TTC21A: variants seen among roughly 807,000 people sequenced by gnomAD.
TTC21A encodes the protein tetratricopeptide repeat protein 21A.
Under a neutral mutation model 156.4 loss-of-function variants are expected in TTC21A, and 128 were observed. That is an observed-to-expected ratio of 0.82 (90% CI 0.71 to 0.95). The LOEUF is 0.95. Among genes scored for constraint, TTC21A ranks in the 40% least tolerant of loss-of-function variants. TTC21A has a pLI of 0.00. For missense variants in TTC21A, 1,435 were observed against 1,602.3 expected, an observed-to-expected ratio of 0.90 and a Z score of 1.78; for synonymous variants, 587 against 617.1, an observed-to-expected ratio of 0.95 and a Z score of 0.72.
intron 9 of TTC21A, among the ~76,000 whole-genome samples, 183 bp from the exon 10 acceptor site, chr3:39,124,880 T>G (rs1436707036): frequency 1.3e-5 from 2 of 152,162 alleles, no homozygotes; most frequent in African/African-American, 4.8e-5. Context: ...TTTTCTGTAT[T>G]GCCTTAGGGT....
At position 39,125,460 on chromosome 3, in the gene TTC21A, G is replaced by A. The variant is rs760774883; in HGVS notation, c.1320G>A (p.Glu440=). ...TGCAAGGCATCCCTCTTGGCTCTGAGTACTTTGAAAAGCTGGACCCGTACT... is the reference window on the plus strand; with the variant it reads ...TGCAAGGCATCCCTCTTGGCTCTGAATACTTTGAAAAGCTGGACCCGTACT... ...SSMQGIPLGS[E]YFEKLDPYFL... is the part of the protein sequence containing the mutation. The change falls in exon 11 of 29, where the codon GAG becomes GAA. Residue 440 remains glutamate (E), a synonymous_variant. Transcript: ENST00000683103. 1.2e-6 allele frequency: 2 copies of A among 1,614,156 alleles called. No individual in the cohort carries two copies. The highest frequency in any genetic ancestry group is 1.7e-6 in the Non-Finnish European group (2 of 1,180,006).
At chr3:39,131,180 G>A (rs958868029) in intron 19 of TTC21A, 85 bp downstream of exon 19, 91 of 1,121,340 alleles carry the variant, frequency 8.1e-5, no homozygotes, top group Non-Finnish European at 1.1e-4. Flanking sequence ...TCCAGGTCTG[G>A]AAAGCCCCAG....
chr3:39,134,539 T>G lies in TTC21A; in HGVS notation c.2862+211T>G. 1 of 641,154 alleles carries G rather than the reference T, an allele frequency of 1.6e-6. No individual in the cohort carries two copies. Among genetic ancestry groups the G allele is most frequent in the Non-Finnish European group, 2.9e-6 (1 of 349,316 alleles). 39.7% of individuals were successfully genotyped at this position (641,154 alleles called of 1,614,324 possible). On this transcript the variant is annotated intron_variant, in intron 21 of 28. Transcript: ENST00000683103. The surrounding 1 kb of genome is among the most constrained non-coding windows in gnomAD (Gnocchi z 4.6). ...TGGCTGGCAGTGGGCAGCATCAATC[T>G]CCTGGGCCAGTCTAAGGTGGGGTGA...
chr3:39,131,825 G>A (rs1319178010), intron 19 of TTC21A, among the ~76,000 whole-genome samples: 2 of 152,130 alleles, frequency 1.3e-5, no homozygotes, highest in African/African-American at 4.8e-5. Flanking sequence ...TCCATGTGTA[G>A]TTTAATCCAT....
chr3:39,123,843 AT>A (rs2125811333), intron 9 of TTC21A, among the ~76,000 whole-genome samples: 1 of 152,250 alleles, frequency 6.6e-6, no homozygotes, highest in African/African-American at 2.4e-5. Context: ...GAGAAAAAAA[AT>A]CACCCCCCCC....
Position 39,134,927 on chromosome 3 carries a change from C to T in TTC21A, c.2863-166C>T. The T allele has an allele frequency of 1.6e-6, 1 of 635,028 alleles. No individual in the cohort carries two copies. The highest frequency in any genetic ancestry group is 2.8e-6 in the Non-Finnish European group (1 of 354,124). 39.3% of individuals were successfully genotyped at this position (635,028 alleles called of 1,614,324 possible). A position where few individuals can be genotyped will look rare whatever the true frequency, so the allele number is the denominator to read the frequency against. ...TCTGGGTGGGGGCCTGAGAAACCCT[C>T]AGGCTTCTCCTGTGGCAGCTTCTCA... is the stretch of plus-strand genomic sequence containing the variant. On this transcript the variant is annotated intron_variant, in intron 21 of 28. Transcript: ENST00000683103. The surrounding 1 kb of genome is among the most constrained non-coding windows in gnomAD (Gnocchi z 4.6).
Position 39,120,586 on chromosome 3 carries a change from T to C in TTC21A, c.901-411T>C, listed in dbSNP as rs1005068397. On this transcript the variant is annotated intron_variant, in intron 8 of 28. Coordinates refer to ENST00000683103, the MANE Select transcript of TTC21A (RefSeq NM_001366900.1). ...CAGGAACCAGAACTGTGGAGTTGCA[T>C]AGGCACCATCTCTCCCTCTGTATGT... Among the ~76,000 whole-genome samples, 27 of 152,252 alleles carry C rather than the reference T, an allele frequency of 1.8e-4. 1 individual carries two copies. Among genetic ancestry groups the C allele is most frequent in the Non-Finnish European group, 1.5e-5 (1 of 68,044 alleles).
At chr3:39,114,792 A>G (rs1485311889) in intron 6 of TTC21A, 50 bp downstream of exon 6, 6 of 1,604,626 alleles carry the variant, frequency 3.7e-6, no homozygotes, top group African/African-American at 1.3e-5. Flanking sequence ...GGTATTTACC[A>G]TCTTATAAGC....
rs1201909439 is a variant in TTC21A at position 39,130,835 on chromosome 3, C to T, written c.2454C>T (p.Asp818=). Reference sequence around the variant, plus strand: ...TTTTGAAGCAGGCACTGGAACATGACATTGGTGAGGCAGCATTGTAACCCA... The same window carrying T: ...TTTTGAAGCAGGCACTGGAACATGATATTGGTGAGGCAGCATTGTAACCCA... ...EKVLKQALEH[D]IVQDIPSMMN... The change falls in exon 18 of 29, where the codon GAC becomes GAT. Residue 818 remains aspartate, a synonymous_variant. Transcript: ENST00000683103. This position sits in a 1 kb window ranked among gnomAD's most constrained non-coding sequence, Gnocchi z 4.5. 9.3e-6 allele frequency: 15 copies of T among 1,614,182 alleles called. No individual in the cohort carries two copies. In the South Asian group the frequency reaches 1.5e-4, roughly 17 times the overall value.
Position 39,138,384 on chromosome 3 carries a change from A to G in TTC21A, c.3793A>G (p.Ile1265Val). ...GTACAGTCATCACGCCAACCCTGCC[A>G]TTGGTAAGGCAACCAGCCAGGGTGC... is the stretch of plus-strand genomic sequence containing the variant. ...WKYSHHANPA[I>V]GFKLAFNYLK... Residue 1265 changes from isoleucine to valine, a missense_variant, in exon 27 of 29, where the codon ATT (isoleucine) becomes GTT (valine). Ile to Val is a conservative substitution (Grantham distance 29, BLOSUM62 3). Transcript: ENST00000683103. 6.2e-7 allele frequency: 1 copy of G among 1,614,074 alleles called. No individual in the cohort carries two copies. The highest frequency in any genetic ancestry group is 8.5e-7 in the Non-Finnish European group (1 of 1,179,956).
In TTC21A at chr3:39,110,019, G is replaced by A; in HGVS notation, c.158-10G>A. The stretch of plus-strand genomic sequence containing the variant: ...GCTTGAGAGTATAACTATGTGGACT[G>A]TCTTTGCAGAGCACATCCAGGATGC... On this transcript the variant is annotated splice_polypyrimidine_tract_variant and intron_variant, in intron 2 of 28. Coordinates refer to ENST00000683103, the MANE Select transcript of TTC21A (RefSeq NM_001366900.1). 1 of 1,606,906 alleles carries A rather than the reference G, an allele frequency of 6.2e-7. No individual in the cohort carries two copies. Among genetic ancestry groups the A allele is most frequent in the Admixed American group, 1.7e-5 (1 of 59,960 alleles).
chr3:39,132,950 T>C (rs1162301158), intron 19 of TTC21A, 102 bp from the exon 20 acceptor site: 14 of 1,401,586 alleles, frequency 1.0e-5, no homozygotes, highest in Non-Finnish European at 1.4e-5. Context: ...CACTTATGTG[T>C]CATTTTTCAT....
chr3:39,128,808 T>C lies in TTC21A; in HGVS notation c.1772T>C (p.Val591Ala), dbSNP rs1410087097. 3.1e-6 allele frequency: 5 copies of C among 1,613,958 alleles called. No individual in the cohort carries two copies. In the African/African-American group the frequency reaches 5.3e-5, roughly 17 times the overall value. ...YPEAIKTLKM[V>A]IKLPALKKEE... ...GAGGCCATAAAGACGCTGAAAATGGTCATCAAATTGCCAGCTCTGAAGAAG... is the reference window on the plus strand; with the variant it reads ...GAGGCCATAAAGACGCTGAAAATGGCCATCAAATTGCCAGCTCTGAAGAAG... Residue 591 changes from valine to alanine, a missense_variant, in exon 14 of 29, where the codon GTC becomes GCC. Physicochemically the swap from Val to Ala is moderately conservative, Grantham distance 64. Coordinates refer to ENST00000683103, the MANE Select transcript of TTC21A (RefSeq NM_001366900.1).
At chr3:39,132,342 C>T (rs1480681001) in intron 19 of TTC21A, among the ~76,000 whole-genome samples, 1 of 152,198 alleles carries the variant, frequency 6.6e-6, no homozygotes, top group Non-Finnish European at 1.5e-5. Context: ...ATGCTCTTTG[C>T]ACACTGGGCT....
In TTC21A at chr3:39,136,994, T is replaced by C; in HGVS notation, c.3191T>C (p.Ile1064Thr). The C allele has an allele frequency of 1.9e-6, 3 of 1,614,030 alleles. No individual in the cohort carries two copies. The highest frequency in any genetic ancestry group is 2.5e-6 in the Non-Finnish European group (3 of 1,180,018). Residue 1064 changes from isoleucine to threonine, a missense_variant, in exon 24 of 29, where the codon ATC becomes ACC. By Grantham distance (89) the Ile-to-Thr change is moderately conservative. Transcript: ENST00000683103. The part of the protein sequence containing the change: ...GQSAIYHMVQ[I>T]CLNPDNEVVG... ...AGCGCCATCTACCACATGGTGCAGA[T>C]CTGTCTGAATCCAGACAACGAGGTT... is the stretch of plus-strand genomic sequence containing the variant.
chr3:39,110,821 C>A, intron 3 of TTC21A, 30 bp from the exon 4 acceptor site: 4 of 1,612,694 alleles, frequency 2.5e-6, no homozygotes, highest in Non-Finnish European at 3.4e-6. Flanking sequence ...CATCCTAACT[C>A]TCCCTCTTCC....
rs1426941984 is a variant in TTC21A at position 39,128,767 on chromosome 3, G to T, written c.1731G>T (p.Lys577Asn). 6.2e-7 allele frequency: 1 copy of T among 1,614,170 alleles called. No individual in the cohort carries two copies. The highest frequency in any genetic ancestry group is 1.7e-5 in the Admixed American group (1 of 60,022). The change falls in exon 14 of 29, where the codon AAG becomes AAT. Residue 577 changes from lysine (K) to asparagine (N), a missense_variant. By Grantham distance (94) the Lys-to-Asn change is moderately conservative. Coordinates refer to ENST00000683103, the MANE Select transcript of TTC21A (RefSeq NM_001366900.1). ...YHLIKARALN[K>N]AGDYPEAIKT... ...TCATCAAGGCCAGGGCCCTCAACAA[G>T]GCTGGAGACTATCCAGAGGCCATAA...
At chr3:39,136,057 CAAAA>C (rs57239506) in intron 22 of TTC21A, 8 of 96,444 alleles carry the variant, frequency 8.3e-5, no homozygotes, top group East Asian at 2.7e-4. Flanking sequence ...GACTCCGTCT[CAAAA>C]AAAAAAAAAA....
chr3:39,125,922 G>A (rs533783395), intron 11 of TTC21A, among the ~76,000 whole-genome samples: 8 of 152,298 alleles, frequency 5.3e-5, no homozygotes, highest in Admixed American at 1.3e-4. Context: ...TTACTTGTTT[G>A]TCCTGCTCTT....
Sources: allele counts gnomAD v4.1 joint callset (sites outside exome capture counted in the v4.1 genomes callset), GRCh38; gene constraint gnomAD v4.1.1; non-coding constraint Gnocchi (gnomAD v3.1); transcripts MANE v1.5; gene names NCBI Gene and HGNC (gene_info 2026-07-23, HGNC 2026-07-21).